ADTRP: variants seen among roughly 807,000 people sequenced by gnomAD.
ADTRP encodes the protein androgen-dependent TFPI-regulating protein.
In ADTRP, 20 loss-of-function variants were observed where a neutral mutation model predicts 27.0. The ratio of observed to expected loss-of-function variants is 0.74; its 90% confidence interval spans 0.52 to 1.08. ADTRP has a LOEUF of 1.08. Ranked by LOEUF, ADTRP falls within the 50% of genes least tolerant of loss-of-function variation. The pLI is 0.00. For synonymous variants in ADTRP, 101 were observed against 105.2 expected, an observed-to-expected ratio of 0.96 and a Z score of 0.25; for missense variants, 251 against 275.0, an observed-to-expected ratio of 0.91 and a Z score of 0.62.
At chr6:11,715,760 A>G (rs1581299457) in intron 5 of ADTRP, among the ~76,000 whole-genome samples, 1 of 135,206 alleles carries the variant, frequency 7.4e-6, no homozygotes, top group African/African-American at 2.9e-5. Flanking sequence ...CTCCAACCTC[A>G]GTCTCCTGAC....
At chr6:11,750,821 A>G (rs542371436) in intron 3 of ADTRP, among the ~76,000 whole-genome samples, 1 of 152,208 alleles carries the variant, frequency 6.6e-6, no homozygotes, top group African/African-American at 2.4e-5. Flanking sequence ...CCTCCTGCAC[A>G]TGATCCTCCC....
chr6:11,743,952 T>C (rs1426957773), intron 3 of ADTRP, among the ~76,000 whole-genome samples: 1 of 152,168 alleles, frequency 6.6e-6, no homozygotes, highest in Non-Finnish European at 1.5e-5. Flanking sequence ...GAAATTGGTG[T>C]TGGGAGTCAA....
chr6:11,773,669 C>T (rs367696521), intron 1 of ADTRP, among the ~76,000 whole-genome samples: 6 of 152,290 alleles, frequency 3.9e-5, no homozygotes, highest in South Asian at 4.1e-4. Context: ...AGTACCTCAG[C>T]GCTGGGGAGG....
intron 1 of ADTRP, among the ~76,000 whole-genome samples, chr6:11,772,697 A>G (rs1281848143): frequency 6.6e-6 from 1 of 152,254 alleles, no homozygotes; most frequent in East Asian, 1.9e-4. Flanking sequence ...ACACCAGAAG[A>G]AAACAGCAAT....
intron 3 of ADTRP, among the ~76,000 whole-genome samples, chr6:11,761,384 T>C (rs1763385703): frequency 6.6e-6 from 1 of 152,244 alleles, no homozygotes; most frequent in Admixed American, 6.5e-5. Flanking sequence ...CATTGCTGCA[T>C]TTTCAGCTCT....
chr6:11,776,815 G>T (rs936514190), intron 1 of ADTRP, among the ~76,000 whole-genome samples: 1 of 152,212 alleles, frequency 6.6e-6, no homozygotes, highest in Non-Finnish European at 1.5e-5. Flanking sequence ...GTGAGCTCTT[G>T]AATCGGGAGT....
At chr6:11,770,798 A>C (rs1210667308) in intron 1 of ADTRP, among the ~76,000 whole-genome samples, 1 of 152,040 alleles carries the variant, frequency 6.6e-6, no homozygotes, top group Non-Finnish European at 1.5e-5. Context: ...CCCCACCAGT[A>C]GCCTCGCCTC....
Position 11,778,766 on chromosome 6 carries a change from T to C in ADTRP, c.-7A>G. ...ATGTAGAAGTCTTCGTCATGGCGAGTGCTGACCGGGGCACCGTGAATGTCT... is the reference window on the plus strand; with the variant it reads ...ATGTAGAAGTCTTCGTCATGGCGAGCGCTGACCGGGGCACCGTGAATGTCT... On this transcript the variant is annotated 5_prime_UTR_variant, in exon 1 of 6. Transcript: ENST00000414691. 1 of 1,612,954 alleles carries C rather than the reference T, an allele frequency of 6.2e-7. No individual in the cohort carries two copies. The highest frequency in any genetic ancestry group is 8.5e-7 in the Non-Finnish European group (1 of 1,179,190).
chr6:11,768,808 G>A (rs1763658246), intron 1 of ADTRP, among the ~76,000 whole-genome samples: 1 of 152,136 alleles, frequency 6.6e-6, no homozygotes, highest in Admixed American at 6.5e-5. Flanking sequence ...AAAATGCCTA[G>A]TGCTGAAATC....
chr6:11,715,242 A>C (rs1443690911), intron 5 of ADTRP, among the ~76,000 whole-genome samples: 3 of 152,120 alleles, frequency 2.0e-5, no homozygotes, highest in African/African-American at 7.2e-5. Flanking sequence ...CTGGCTTGGT[A>C]TTCCTGCAGC....
At chr6:11,731,810 T>G (rs993068398) in intron 4 of ADTRP, among the ~76,000 whole-genome samples, 4 of 152,210 alleles carry the variant, frequency 2.6e-5, no homozygotes, top group Admixed American at 2.6e-4. Flanking sequence ...ATAATTTGTA[T>G]GCATGGGTCA....
chr6:11,740,202 T>C (rs1399563578), intron 3 of ADTRP, among the ~76,000 whole-genome samples: 1 of 152,202 alleles, frequency 6.6e-6, no homozygotes, highest in Non-Finnish European at 1.5e-5. Flanking sequence ...GATCTGCGAA[T>C]TAGTTCCTGA....
At chr6:11,762,976 G>A (rs1256652223) in intron 3 of ADTRP, among the ~76,000 whole-genome samples, 1 of 152,192 alleles carries the variant, frequency 6.6e-6, no homozygotes, top group East Asian at 1.9e-4. Context: ...AGGAGTTAAT[G>A]TTTTCCTGGC....
intron 3 of ADTRP, among the ~76,000 whole-genome samples, chr6:11,747,868 G>A (rs1475978168): frequency 6.6e-6 from 1 of 152,054 alleles, no homozygotes; most frequent in African/African-American, 2.4e-5. Flanking sequence ...TCTGGTTACT[G>A]CCATGATCAT....
At chr6:11,770,702 T>C (rs1763743423) in intron 1 of ADTRP, among the ~76,000 whole-genome samples, 1 of 152,150 alleles carries the variant, frequency 6.6e-6, no homozygotes, top group South Asian at 2.1e-4. Context: ...GCTGGTGATT[T>C]TGACATTCAC....
chr6:11,753,973 C>T (rs2235409), intron 3 of ADTRP, among the ~76,000 whole-genome samples: 48,570 of 151,972 alleles, frequency 0.32, 9,329 homozygotes, highest in East Asian at 0.66. Context: ...CCAACACACC[C>T]AGAGATTTTT....
chr6:11,731,509 A>G (rs890946346), intron 4 of ADTRP, among the ~76,000 whole-genome samples: 21 of 152,326 alleles, frequency 1.4e-4, no homozygotes, highest in African/African-American at 3.8e-4. Flanking sequence ...ATGAGTGGGT[A>G]GTTCCAGGGA....
At chr6:11,774,910 G>A (rs970262284) in intron 1 of ADTRP, among the ~76,000 whole-genome samples, 1 of 152,198 alleles carries the variant, frequency 6.6e-6, no homozygotes, top group African/African-American at 2.4e-5. Context: ...TGGATGATCT[G>A]AGCCAACCTA....
At chr6:11,758,619 A>G (rs1477190105) in intron 3 of ADTRP, among the ~76,000 whole-genome samples, 1 of 147,324 alleles carries the variant, frequency 6.8e-6, no homozygotes, top group Non-Finnish European at 1.5e-5. Flanking sequence ...CCTAATGCTA[A>G]ATGACGAGTT....
Sources: gnomAD v4.1 joint callset for allele counts (sites outside exome capture counted in the v4.1 genomes callset) on GRCh38, gnomAD v4.1.1 for gene constraint, MANE v1.5 for transcripts, NCBI Gene and HGNC (gene_info 2026-07-23, HGNC 2026-07-21) for gene names.